Variants in NEXMIF observed in about 807,000 individuals in gnomAD.
NEXMIF encodes neurite extension and migration factor.
NEXMIF carries 8 observed loss-of-function variants against 62.1 expected under a neutral mutation model. The ratio of observed to expected loss-of-function variants is 0.13; its 90% CI spans 0.08 to 0.23. The LOEUF is 0.23. Ranked by LOEUF, NEXMIF falls within the 10% of genes least tolerant of loss-of-function variation. NEXMIF has a pLI of 1.00. For missense variants in NEXMIF, 976 were observed against 1,113.3 expected, an observed-to-expected ratio of 0.88 and a Z score of 1.75; for synonymous variants, 404 against 416.6, an observed-to-expected ratio of 0.97 and a Z score of 0.37.
chrX:74,916,025 TA>T (rs1823972237), intron 1 of NEXMIF, among the ~76,000 whole-genome samples: 1 of 112,167 alleles, frequency 8.9e-6, no homozygotes, highest in Non-Finnish European at 1.9e-5. Context: ...AGCTACCAAA[TA>T]GGGGTTAAAA....
At chrX:74,793,405 A>C (rs1324376135) in intron 1 of NEXMIF, among the ~76,000 whole-genome samples, 8 of 108,244 alleles carry the variant, frequency 7.4e-5, no homozygotes, top group Admixed American at 2.0e-4. Flanking sequence ...GGCTGCCCTT[A>C]ACATTTTTTC....
At chrX:74,867,782 G>C (rs750958023) in intron 1 of NEXMIF, among the ~76,000 whole-genome samples, 5 of 112,164 alleles carry the variant, frequency 4.5e-5, no homozygotes, top group Non-Finnish European at 7.5e-5. Context: ...AAATTGACAA[G>C]TGTGATCTAA....
chrX:74,898,896 A>C (rs750055194), intron 1 of NEXMIF, among the ~76,000 whole-genome samples: 43 of 111,631 alleles, frequency 3.9e-4, no homozygotes, highest in African/African-American at 1.3e-3. Flanking sequence ...CATCACAAAC[A>C]ATACTTAGGA....
At chrX:74,905,019 G>A (rs1200448336) in intron 1 of NEXMIF, among the ~76,000 whole-genome samples, 1 of 111,189 alleles carries the variant, frequency 9.0e-6, no homozygotes, top group East Asian at 2.8e-4. Flanking sequence ...CCATCAATTG[G>A]TTGGATTTTC....
chrX:74,779,658 C>T (rs2080240029), intron 1 of NEXMIF, among the ~76,000 whole-genome samples: 1 of 112,140 alleles, frequency 8.9e-6, no homozygotes, highest in Non-Finnish European at 1.9e-5. Flanking sequence ...CTTTCTTAAG[C>T]TGAAAGGCCC....
intron 1 of NEXMIF, among the ~76,000 whole-genome samples, chrX:74,875,104 C>A (rs1165486967): frequency 9.0e-6 from 1 of 111,413 alleles, no homozygotes; most frequent in Non-Finnish European, 1.9e-5. Context: ...AGTTTTTGTC[C>A]CTTCAGTATG....
chrX:74,857,879 C>A (rs769219349), intron 1 of NEXMIF, among the ~76,000 whole-genome samples: 1 of 111,911 alleles, frequency 8.9e-6, no homozygotes, highest in African/African-American at 3.2e-5. Context: ...TGGCAGAACT[C>A]CCTGTGGGCC....
intron 1 of NEXMIF, among the ~76,000 whole-genome samples, chrX:74,856,115 G>T (rs938408091): frequency 8.9e-6 from 1 of 111,771 alleles, no homozygotes; most frequent in African/African-American, 3.3e-5. Flanking sequence ...GAACTTACTA[G>T]ACAAACACTT....
At chrX:74,840,589 GT>G (rs2080470779) in intron 1 of NEXMIF, among the ~76,000 whole-genome samples, 2 of 112,022 alleles carry the variant, frequency 1.8e-5, no homozygotes, top group African/African-American at 6.5e-5. Context: ...TATTGCCTAG[GT>G]TGTCTTCCAG....
intron 1 of NEXMIF, among the ~76,000 whole-genome samples, chrX:74,778,624 C>T (rs1167003948): frequency 8.9e-6 from 1 of 112,033 alleles, no homozygotes; most frequent in Non-Finnish European, 1.9e-5. Context: ...GTTTAAGTAA[C>T]TTTCTCAGAG....
intron 1 of NEXMIF, among the ~76,000 whole-genome samples, chrX:74,918,609 C>T (rs182567534): frequency 6.9e-4 from 77 of 111,820 alleles, no homozygotes; most frequent in African/African-American, 2.4e-3. Context: ...TTTCACTTTT[C>T]GGGTCACCCC....
In NEXMIF at chrX:74,743,062, G is replaced by A. The variant is rs1448378076; in HGVS notation, c.1495C>T (p.Leu499=). Residue 499 remains leucine, a synonymous_variant, in exon 3 of 4, where the codon CTA becomes TTA. Coordinates refer to ENST00000055682, the MANE Select transcript of NEXMIF (RefSeq NM_001008537.3). ...CTCTCATTTACTTTTTCACCCTCTA[G>A]TGAGTCAACATCATATAGATAATCT... The part of the protein sequence containing the change: ...SEDYLYDVDS[L]EGEKVNERKE... The A allele has an allele frequency of 8.3e-7, 1 of 1,209,634 alleles. No individual in the cohort carries two copies. The highest frequency in any genetic ancestry group is 1.8e-5 in the South Asian group (1 of 56,830).
intron 1 of NEXMIF, among the ~76,000 whole-genome samples, chrX:74,829,275 C>A (rs749864736): frequency 1.8e-5 from 2 of 112,129 alleles, no homozygotes; most frequent in Admixed American, 1.9e-4. Flanking sequence ...ATTATTAGAT[C>A]CCACAAACAA....
At chrX:74,894,711 A>G (rs1206345339) in intron 1 of NEXMIF, among the ~76,000 whole-genome samples, 1 of 112,619 alleles carries the variant, frequency 8.9e-6, no homozygotes, top group Non-Finnish European at 1.9e-5. Context: ...GTGATACATC[A>G]TATCAACAAA....
rs754763619 is a variant in NEXMIF, at chrX:74,740,731, G to C, written c.3826C>G (p.Gln1276Glu). 1.4e-5 allele frequency: 17 copies of C among 1,210,827 alleles called. No individual in the cohort carries two copies. In the Admixed American group the frequency reaches 3.7e-4, roughly 26 times the overall value. The change falls in exon 3 of 4, where the codon CAA becomes GAA. Residue 1276 changes from glutamine (Q) to glutamate (E), a missense_variant. By Grantham distance (29) the Gln-to-Glu change is conservative. Transcript: ENST00000055682. ...GPMASMKMPS[Q>E]KGLSGDWALG... The stretch of plus-strand genomic sequence containing the variant: ...GCCCAATCTCCAGAAAGTCCCTTTT[G>C]ACTTGGCATCTTCATAGAGGCCATA...
intron 1 of NEXMIF, among the ~76,000 whole-genome samples, chrX:74,865,101 G>A (rs189410241): frequency 8.9e-6 from 1 of 112,226 alleles, no homozygotes; most frequent in East Asian, 2.8e-4. Context: ...ACCTGAAAAT[G>A]TGGAAGCAAC....
intron 1 of NEXMIF, among the ~76,000 whole-genome samples, chrX:74,875,052 G>C (rs931954520): frequency 7.2e-5 from 8 of 111,527 alleles, no homozygotes; most frequent in South Asian, 3.8e-4. Context: ...TGGTGAGAGA[G>C]GGCATCCCTG....
At chrX:74,806,468 T>C (rs2080345154) in intron 1 of NEXMIF, among the ~76,000 whole-genome samples, 2 of 111,514 alleles carry the variant, frequency 1.8e-5, no homozygotes, top group South Asian at 7.4e-4. Context: ...CTATAGCTAT[T>C]AATTAATAAT....
At chrX:74,919,774 G>A (rs1293028573) in intron 1 of NEXMIF, among the ~76,000 whole-genome samples, 2 of 110,114 alleles carry the variant, frequency 1.8e-5, no homozygotes, top group Non-Finnish European at 3.8e-5. Context: ...ATCCTTCCTC[G>A]CTCCCCCAAC....
Sources: allele counts gnomAD v4.1 joint callset (sites outside exome capture counted in the v4.1 genomes callset), GRCh38; gene constraint gnomAD v4.1.1; transcripts MANE v1.5; gene names NCBI Gene and HGNC (gene_info 2026-07-23, HGNC 2026-07-21).